The following L3MBTL4 variants were observed in gnomAD, a reference collection of about 807,000 sequenced individuals.
L3MBTL4 encodes the protein L3MBTL histone methyl-lysine binding protein 4, also known as lethal(3)malignant brain tumor-like protein 4.
In L3MBTL4, 70 loss-of-function variants were observed where a neutral mutation model predicts 84.5. That is an observed-to-expected ratio of 0.83 (90% confidence interval 0.68 to 1.01). The LOEUF (loss-of-function observed/expected upper bound fraction) is 1.01, where lower values mean the gene tolerates loss of function less well. Among genes scored for constraint, L3MBTL4 ranks in the 50% least tolerant of loss-of-function variants. The probability of loss-of-function intolerance (pLI) is 0.00; values close to 1 mark genes in which losing one functional copy is unlikely to be tolerated. For missense variants in L3MBTL4, 715 were observed against 754.8 expected (o/e 0.95, Z 0.62); for synonymous variants, 274 against 259.8 (o/e 1.05, Z -0.52).
intron 1 of L3MBTL4, among the ~76,000 whole-genome samples, chr18:6,343,648 C>T (rs113420729): frequency 0.011 from 1,504 of 134,512 alleles, 32 homozygotes; most frequent in African/African-American, 0.042. Flanking sequence ...GGCAACAGAG[C>T]GAGACACCAT....
At chr18:6,251,101 A>G (rs1203629207) in intron 5 of L3MBTL4, among the ~76,000 whole-genome samples, 1 of 152,254 alleles carries the variant, frequency 6.6e-6, no homozygotes, top group Non-Finnish European at 1.5e-5. Context: ...TTCAAATGCT[A>G]CAGAAGAGAA....
chr18:6,018,357 T>C lies in L3MBTL4; in HGVS notation c.1445-48795A>G, dbSNP rs900219639. On this transcript the variant is annotated intron_variant, in intron 16 of 18. Transcript: ENST00000317931. ...CAGGTGGGGCTTGAGCATGTGCACG[T>C]GAGCAAAGGCTGCACGGGTGATTCT... is the stretch of plus-strand genomic sequence containing the variant. Among the ~76,000 whole-genome samples, 98 of 152,144 alleles carry C rather than the reference T, an allele frequency of 6.4e-4. 1 individual carries two copies. Among genetic ancestry groups the C allele is most frequent in the Non-Finnish European group, 2.8e-4 (19 of 68,034 alleles).
intron 1 of L3MBTL4, among the ~76,000 whole-genome samples, chr18:6,343,528 G>T (rs1159244599): frequency 1.3e-5 from 2 of 152,034 alleles, no homozygotes; most frequent in South Asian, 4.2e-4. Context: ...AGCCGGGCAT[G>T]GTGGGCACCT....
intron 12 of L3MBTL4, among the ~76,000 whole-genome samples, chr18:6,201,982 G>C (rs981855804): frequency 3.9e-5 from 6 of 152,174 alleles, no homozygotes; most frequent in African/African-American, 1.4e-4. Context: ...TCTGTACACA[G>C]TGAAGTGCAA....
At chr18:6,048,714 G>C (rs149580652) in intron 16 of L3MBTL4, among the ~76,000 whole-genome samples, 1 of 151,488 alleles carries the variant, frequency 6.6e-6, no homozygotes, top group African/African-American at 2.4e-5. Context: ...GCTTGAACCC[G>C]GGAGGCGGAG....
intron 16 of L3MBTL4, among the ~76,000 whole-genome samples, chr18:6,045,094 T>G (rs972183190): frequency 3.3e-5 from 5 of 152,166 alleles, no homozygotes; most frequent in Admixed American, 6.5e-5. Flanking sequence ...AATAGTGGCT[T>G]TGCAGTTTGT....
At chr18:6,166,088 T>A (rs924979324) in intron 13 of L3MBTL4, among the ~76,000 whole-genome samples, 1 of 152,172 alleles carries the variant, frequency 6.6e-6, no homozygotes, top group African/African-American at 2.4e-5. Context: ...AAGAAGGTCA[T>A]TACATAATGG....
intron 1 of L3MBTL4, among the ~76,000 whole-genome samples, chr18:6,340,738 A>T (rs2052567962): frequency 6.6e-6 from 1 of 152,002 alleles, no homozygotes; most frequent in South Asian, 2.1e-4. Context: ...CCACTGGCAC[A>T]TCATACTCCC....
upstream of L3MBTL4, chr18:6,414,962 C>T (rs1256256577): frequency 1.3e-5 from 2 of 150,772 alleles, no homozygotes; most frequent in East Asian, 3.9e-4. This position sits in a 1 kb window ranked among gnomAD's most constrained non-coding sequence, Gnocchi z 5.4. Context: ...CGGGAGCCGC[C>T]CCCTGCCCGC....
At chr18:6,328,313 CTAGCTGGTAGCA>C (rs1272690443) in intron 1 of L3MBTL4, among the ~76,000 whole-genome samples, 41 of 152,322 alleles carry the variant, frequency 2.7e-4, no homozygotes, top group African/African-American at 7.5e-4. Flanking sequence ...GCTCATGTGA[CTAGCTGGTAGCA>C]GAGCTAGAAC....
chr18:6,293,236 C>T (rs1336486912), intron 4 of L3MBTL4, among the ~76,000 whole-genome samples: 2 of 152,146 alleles, frequency 1.3e-5, no homozygotes, highest in African/African-American at 4.8e-5. Context: ...CAATGACATC[C>T]TAATAGCAAT....
chr18:6,110,322 ATCTC>A (rs935386600), intron 14 of L3MBTL4, among the ~76,000 whole-genome samples: 1 of 151,700 alleles, frequency 6.6e-6, no homozygotes, highest in African/African-American at 2.4e-5. Context: ...CTGCTTTTGT[ATCTC>A]TCTCTCTCGT....
At chr18:6,333,573 C>CAA (rs34185426) in intron 1 of L3MBTL4, among the ~76,000 whole-genome samples, 2,458 of 65,764 alleles carry the variant, frequency 0.037, 30 homozygotes, top group Middle Eastern at 0.088. Context: ...GACTCCATCT[C>CAA]AAAAAAAAAA....
chr18:6,258,094 A>G (rs745866568), intron 5 of L3MBTL4, among the ~76,000 whole-genome samples: 1 of 152,216 alleles, frequency 6.6e-6, no homozygotes, highest in Non-Finnish European at 1.5e-5. Flanking sequence ...TTCTTCCAGG[A>G]CCACAGGGGA....
At chr18:6,179,488 G>T (rs900759244) in intron 12 of L3MBTL4, among the ~76,000 whole-genome samples, 1 of 152,192 alleles carries the variant, frequency 6.6e-6, no homozygotes, top group Non-Finnish European at 1.5e-5. Context: ...TCTGTTGAGG[G>T]ATGGCAAAGG....
At chr18:6,306,186 T>C (rs1366788181) in intron 3 of L3MBTL4, among the ~76,000 whole-genome samples, 3 of 152,348 alleles carry the variant, frequency 2.0e-5, no homozygotes, top group Admixed American at 2.0e-4. Flanking sequence ...ACTTCTTTTT[T>C]GCTCTGATCC....
chr18:6,083,046 G>T (rs1350816363), intron 15 of L3MBTL4, among the ~76,000 whole-genome samples: 1 of 152,166 alleles, frequency 6.6e-6, no homozygotes, highest in Middle Eastern at 3.2e-3. Context: ...CCCATCTTGG[G>T]CACAAAGTGG....
At chr18:5,993,460 T>C (rs935189367) in intron 16 of L3MBTL4, among the ~76,000 whole-genome samples, 16 of 152,228 alleles carry the variant, frequency 1.1e-4, no homozygotes, top group African/African-American at 2.9e-4. Context: ...CCCACTATTT[T>C]GGGTCGTGAA....
chr18:6,030,839 C>G (rs1369588352), intron 16 of L3MBTL4: 1 of 985,102 alleles, frequency 1.0e-6, no homozygotes, highest in Non-Finnish European at 1.2e-6. Flanking sequence ...AACAGGCACA[C>G]TAACATGAAA....
Sources: allele counts gnomAD v4.1 joint callset (sites outside exome capture counted in the v4.1 genomes callset), GRCh38; gene constraint gnomAD v4.1.1; non-coding constraint Gnocchi (gnomAD v3.1); transcripts MANE v1.5; gene names NCBI Gene and HGNC (gene_info 2026-07-23, HGNC 2026-07-21).